The following AKAP9 variants were observed in gnomAD, a reference collection of about 807,000 sequenced individuals.
AKAP9 encodes A-kinase anchor protein 9.
AKAP9 carries 311 observed loss-of-function variants against 488.5 expected under a neutral mutation model. The ratio of observed to expected loss-of-function variants is 0.64; its 90% CI spans 0.58 to 0.70. AKAP9 has a LOEUF of 0.70. Among genes scored for constraint, AKAP9 ranks in the 30% least tolerant of loss-of-function variants. The pLI, the probability that AKAP9 is intolerant of heterozygous loss-of-function variation, is 0.00. For synonymous variants in AKAP9, 1,462 were observed against 1,483.5 expected (o/e 0.99, Z 0.33); for missense variants, 4,215 against 4,374.5 (o/e 0.96, Z 1.03).
intron 46 of AKAP9, among the ~76,000 whole-genome samples, chr7:92,105,458 C>A (rs1245119397): frequency 1.3e-5 from 2 of 152,124 alleles, no homozygotes; most frequent in Admixed American, 6.6e-5. Flanking sequence ...ATATAAGAGA[C>A]CTCTAATGCC....
chr7:92,105,793 T>A lies in AKAP9; in HGVS notation c.11416+30T>A, dbSNP rs74753191. 4,314 of 1,569,324 alleles carry A rather than the reference T, an allele frequency of 2.7e-3. 92 individuals are homozygous for A. In the African/African-American group the frequency reaches 0.052, roughly 19 times the overall value. Reference sequence around the variant, plus strand: ...AGTCAAAATAGCATATTTTCTTATGTTTATGACTCTCTAAATCAGAGGTCC... The same window carrying A: ...AGTCAAAATAGCATATTTTCTTATGATTATGACTCTCTAAATCAGAGGTCC... On this transcript the variant is annotated intron_variant, in intron 47 of 49. Transcript: ENST00000356239.
At chr7:91,945,239 G>A (rs1791320780) in intron 1 of AKAP9, among the ~76,000 whole-genome samples, 1 of 152,158 alleles carries the variant, frequency 6.6e-6, no homozygotes, top group Non-Finnish European at 1.5e-5. Context: ...GGGCGCAGTG[G>A]CTCACACCTG....
At position 92,034,677 on chromosome 7, in the gene AKAP9, G is replaced by GT. The variant is rs888637059; in HGVS notation, c.4338+3084dup. Among the ~76,000 whole-genome samples, 453 of 140,842 alleles carry GT rather than the reference G, an allele frequency of 3.2e-3. 3 individuals carry two copies. Among genetic ancestry groups the GT allele is most frequent in the African/African-American group, 9.9e-3 (381 of 38,560 alleles). The allele number at this position is 140,842 out of a possible 152,430, so 92.4% of individuals were successfully genotyped here. On this transcript the variant is annotated intron_variant, in intron 16 of 49. Coordinates refer to ENST00000356239, the MANE Select transcript of AKAP9 (RefSeq NM_005751.5). Reference sequence around the variant, plus strand: ...CACCACACCCAGCTAATTTTTGTGGGTTTTTTTTTTTAGTAGAGATGGGGT... The same window carrying GT: ...CACCACACCCAGCTAATTTTTGTGGGTTTTTTTTTTTTAGTAGAGATGGGGT...
chr7:92,100,741 T>TTTGTCTGGGTGGGG, intron 44 of AKAP9, 115 bp from the exon 45 acceptor site: 4 of 1,207,542 alleles, frequency 3.3e-6, no homozygotes, highest in Non-Finnish European at 4.9e-6. Flanking sequence ...GGCTTTGAAC[T>TTTGTCTGGGTGGGG]TTGTCTGGGT....
chr7:92,100,131 GA>G, intron 44 of AKAP9: 1 of 371,342 alleles, frequency 2.7e-6, no homozygotes, highest in Non-Finnish European at 5.0e-6. Context: ...TTATACCTGA[GA>G]AAACTGAATT....
chr7:92,058,260 G>C (rs200890608), intron 22 of AKAP9: 1 of 587,658 alleles, frequency 1.7e-6, no homozygotes, highest in East Asian at 3.7e-5. Context: ...GTTGAATCTC[G>C]CGTGCCTTTA....
chr7:92,051,181 T>C (rs1414450681), intron 21 of AKAP9, among the ~76,000 whole-genome samples: 1 of 152,204 alleles, frequency 6.6e-6, no homozygotes, highest in Non-Finnish European at 1.5e-5. Context: ...CTCTCTCACC[T>C]ACCTCACCAC....
chr7:92,099,285 A>G (rs761770340), intron 43 of AKAP9, among the ~76,000 whole-genome samples: 6 of 152,172 alleles, frequency 3.9e-5, no homozygotes, highest in Non-Finnish European at 8.8e-5. Context: ...TGATAGGTCT[A>G]CCTGACTCGA....
At chr7:92,027,731 C>T (rs1425795965) in intron 14 of AKAP9, among the ~76,000 whole-genome samples, 1 of 149,858 alleles carries the variant, frequency 6.7e-6, no homozygotes, top group African/African-American at 2.5e-5. Context: ...TCTGCCTGGC[C>T]GCTGTGCAAT....
intron 7 of AKAP9, among the ~76,000 whole-genome samples, chr7:91,996,294 C>T (rs1000220474): frequency 3.3e-5 from 5 of 151,908 alleles, no homozygotes; most frequent in South Asian, 2.1e-4. Flanking sequence ...TGTATGGGTG[C>T]GTATATTTTA....
At chr7:92,053,325 A>G (rs548641054) in intron 22 of AKAP9, among the ~76,000 whole-genome samples, 1 of 152,314 alleles carries the variant, frequency 6.6e-6, no homozygotes, top group Admixed American at 6.5e-5. Context: ...TGTTGCTACT[A>G]CTTGATACCA....
chr7:92,085,366 T>G, intron 35 of AKAP9, 129 bp from the exon 36 acceptor site: 1 of 866,382 alleles, frequency 1.2e-6, no homozygotes, highest in Non-Finnish European at 1.8e-6. Context: ...AAGAAGGCAT[T>G]CAGTAATGTT....
intron 24 of AKAP9, among the ~76,000 whole-genome samples, chr7:92,062,856 T>C (rs1810123662): frequency 1.3e-5 from 2 of 152,182 alleles, no homozygotes; most frequent in South Asian, 4.1e-4. Context: ...CTAAAAGCAC[T>C]GATCTGGCAC....
At chr7:92,098,000 A>G (rs760755089) in intron 42 of AKAP9, 109 bp from the exon 43 acceptor site, 13 of 873,350 alleles carry the variant, frequency 1.5e-5, no homozygotes, top group Non-Finnish European at 2.1e-5. Context: ...CATGGGATAT[A>G]AGGGAGAAGT....
intron 17 of AKAP9, among the ~76,000 whole-genome samples, chr7:92,040,348 G>A (rs1419573570): frequency 6.6e-6 from 1 of 151,978 alleles, no homozygotes; most frequent in Non-Finnish European, 1.5e-5. Context: ...AGGAATAATG[G>A]CATTATAGCT....
intron 1 of AKAP9, among the ~76,000 whole-genome samples, chr7:91,971,982 CTTTTTTTTTTTT>C (rs71107846): frequency 2.2e-5 from 2 of 91,890 alleles, no homozygotes; most frequent in Non-Finnish European, 4.1e-5. Context: ...TTTTGCCTCT[CTTTTTTTTTTTT>C]TTTTTTTTGC....
In AKAP9 at chr7:92,040,821, C is replaced by A; in HGVS notation, c.4840C>A (p.Arg1614=). The part of the protein sequence containing the change: ...ATELLRQAHM[R]QMERQREDQE... ...GGAATTGTTAAGGCAAGCACATATG[C>A]GGCAAATGGAGAGACAGCGAGAAGA... Residue 1614 remains arginine, a synonymous_variant, in exon 18 of 50, where the codon CGG becomes AGG. Transcript: ENST00000356239. 1 of 1,613,660 alleles carries A rather than the reference C, an allele frequency of 6.2e-7. No homozygotes were observed. Among genetic ancestry groups the A allele is most frequent in the Non-Finnish European group, 8.5e-7 (1 of 1,179,942 alleles).
chr7:91,981,393 T>C (rs978803352), intron 3 of AKAP9, among the ~76,000 whole-genome samples: 3 of 152,014 alleles, frequency 2.0e-5, no homozygotes, highest in African/African-American at 7.2e-5. Context: ...AACAACTAAG[T>C]ATATAGTAAT....
Position 92,102,841 on chromosome 7 carries a change from G to A in AKAP9, c.11330+15G>A, listed in dbSNP as rs749274837. ...GCAATTTCCAGGTAAAGACTTGAAG[G>A]AAAATGCATTTTACTAGTAGACTCT... On this transcript the variant is annotated intron_variant, in intron 46 of 49. Coordinates refer to ENST00000356239, the MANE Select transcript of AKAP9 (RefSeq NM_005751.5). The A allele has an allele frequency of 9.4e-6, 15 of 1,602,208 alleles. No homozygotes were observed. The highest frequency in any genetic ancestry group is 1.2e-5 in the Non-Finnish European group (14 of 1,169,802).
Sources: allele counts gnomAD v4.1 joint callset (sites outside exome capture counted in the v4.1 genomes callset), GRCh38; gene constraint gnomAD v4.1.1; transcripts MANE v1.5; gene names NCBI Gene and HGNC (gene_info 2026-07-23, HGNC 2026-07-21).